DPH6: variants seen among roughly 807,000 people sequenced by gnomAD.
DPH6 encodes diphthine--ammonia ligase.
A neutral mutation model predicts 38.2 loss-of-function variants in DPH6; 33 were observed. That is an observed-to-expected ratio of 0.86 (90% CI 0.65 to 1.15). The LOEUF is 1.15. Ranked by LOEUF, DPH6 falls within the 50% of genes most tolerant of loss-of-function variation. The pLI is 0.00. For missense variants in DPH6, 325 were observed against 320.0 expected (o/e 1.02, Z -0.12); for synonymous variants, 108 against 103.0 (o/e 1.05, Z -0.30).
intron 3 of DPH6, among the ~76,000 whole-genome samples, chr15:35,319,077 AG>A (rs1176637175): frequency 2.6e-5 from 4 of 152,320 alleles, no homozygotes; most frequent in Middle Eastern, 3.4e-3. Flanking sequence ...GCAGGTGCCT[AG>A]TGAGAAATAC....
the DPH6 span, among the ~76,000 whole-genome samples, chr15:35,178,636 T>C: frequency 6.6e-6 from 1 of 152,106 alleles, no homozygotes; most frequent in Non-Finnish European, 1.5e-5. Flanking sequence ...TCCTGGCAAA[T>C]ATTGTATACA....
chr15:35,315,076 T>C (rs2052177352), intron 3 of DPH6, among the ~76,000 whole-genome samples: 1 of 152,182 alleles, frequency 6.6e-6, no homozygotes, highest in Non-Finnish European at 1.5e-5. Flanking sequence ...AAAACTGCAA[T>C]GCCTGAAGCT....
At chr15:35,473,913 AGTGTGTGTGTGTGTGTGTGT>A (rs58549209) in intron 3 of DPH6, among the ~76,000 whole-genome samples, 12,633 of 126,874 alleles carry the variant, frequency 0.1, 768 homozygotes, top group African/African-American at 0.19. Flanking sequence ...CACTGTGCAC[AGTGTGTGTGTGTGTGTGTGT>A]GTGTGTGTGT....
intron 3 of DPH6, among the ~76,000 whole-genome samples, chr15:35,232,528 C>T (rs1292943315): frequency 6.6e-6 from 1 of 152,092 alleles, no homozygotes; most frequent in African/African-American, 2.4e-5. Context: ...TTGCAGTGAG[C>T]TGAGACCGCA....
At chr15:35,245,000 A>C (rs1382686789) in intron 3 of DPH6, among the ~76,000 whole-genome samples, 3 of 152,128 alleles carry the variant, frequency 2.0e-5, no homozygotes, top group Admixed American at 6.6e-5. Context: ...AGAATCTGAC[A>C]CTCATGAAAA....
chr15:35,481,776 C>G (rs56745022), intron 3 of DPH6, among the ~76,000 whole-genome samples: 14,602 of 151,998 alleles, frequency 0.096, 941 homozygotes, highest in African/African-American at 0.18. Context: ...TAATAAGTAC[C>G]TGGGGGCTAT....
intron 3 of DPH6, among the ~76,000 whole-genome samples, chr15:35,356,668 CCA>C (rs1349685594): frequency 5.3e-4 from 81 of 152,226 alleles, no homozygotes; most frequent in African/African-American, 1.9e-3. Flanking sequence ...GAGTACCTGG[CCA>C]TGTGAGGTGT....
chr15:35,286,074 T>G (rs898045528), intron 3 of DPH6, among the ~76,000 whole-genome samples: 1 of 151,992 alleles, frequency 6.6e-6, no homozygotes. Flanking sequence ...AAAACAAATA[T>G]AGTTTGCTTC....
intron 3 of DPH6, among the ~76,000 whole-genome samples, chr15:35,487,803 T>G (rs1000630564): frequency 1.3e-5 from 2 of 152,228 alleles, no homozygotes; most frequent in Non-Finnish European, 2.9e-5. Flanking sequence ...TTCTATCACA[T>G]GGTGAGACTG....
At chr15:35,354,360 G>A (rs554921920) in intron 3 of DPH6, among the ~76,000 whole-genome samples, 39 of 152,238 alleles carry the variant, frequency 2.6e-4, no homozygotes, top group African/African-American at 9.4e-4. Context: ...TCTTGTGCCA[G>A]TTTTCAAAGG....
At position 35,454,712 on chromosome 15, in the gene DPH6, A is replaced by G. The variant is rs1404813914; in HGVS notation, c.386+35T>C. On this transcript the variant is annotated intron_variant, in intron 4 of 8. Transcript: ENST00000256538. Reference sequence around the variant, plus strand: ...ACTTATTCACATTCTTAAAACACATACACTTTTAAAACTAACAAATTAATG... The same window carrying G: ...ACTTATTCACATTCTTAAAACACATGCACTTTTAAAACTAACAAATTAATG... 16 of 1,520,644 alleles carry G rather than the reference A, an allele frequency of 1.1e-5. No individual in the cohort carries two copies. In the African/African-American group the frequency reaches 1.4e-4, roughly 13 times the overall value. 94.2% of individuals were successfully genotyped at this position (1,520,644 alleles called of 1,614,324 possible).
At chr15:35,486,809 C>A (rs570118006) in intron 3 of DPH6, among the ~76,000 whole-genome samples, 37 of 152,234 alleles carry the variant, frequency 2.4e-4, no homozygotes, top group African/African-American at 8.7e-4. Flanking sequence ...AGTCCAAGTC[C>A]AAAGTCTCAT....
Position 35,381,837 on chromosome 15 carries a change from T to C in DPH6, c.647A>G (p.Lys216Arg), listed in dbSNP as rs750137666. The C allele has an allele frequency of 1.2e-6, 2 of 1,612,218 alleles. No homozygotes were observed. Among genetic ancestry groups the C allele is most frequent in the Admixed American group, 1.7e-5 (1 of 59,962 alleles). Reference protein sequence around the residue: ...ETFTLDCPLFKKKIIVDSSEV... With the variant: ...ETFTLDCPLFRKKIIVDSSEV... ...GATATCTTACACAATTATTTTCTTC[T>C]TAAATAGAGGGCAATCCAAAGTGAA... Residue 216 changes from lysine (K) to arginine (R), a missense_variant, in exon 7 of 9, where the codon AAG becomes AGG. Coordinates refer to ENST00000256538, the MANE Select transcript of DPH6 (RefSeq NM_080650.4).
At chr15:35,528,752 T>C (rs542636120) in intron 3 of DPH6, among the ~76,000 whole-genome samples, 1 of 152,334 alleles carries the variant, frequency 6.6e-6, no homozygotes, top group East Asian at 1.9e-4. Flanking sequence ...ATCTATTACG[T>C]TACACAAAAC....
intron 6 of DPH6, chr15:35,401,274 C>A: frequency 1.1e-6 from 1 of 916,614 alleles, no homozygotes; most frequent in East Asian, 2.4e-5. Context: ...GTTGTGGAGA[C>A]AGTTTCGGTG....
intron 3 of DPH6, chr15:35,237,985 T>C (rs2051567893): frequency 9.6e-6 from 14 of 1,463,756 alleles, no homozygotes; most frequent in East Asian, 2.3e-5. Context: ...ATGAGGAAGA[T>C]GAAGAAGAGC....
At chr15:35,359,468 C>T (rs565899806) in intron 3 of DPH6, among the ~76,000 whole-genome samples, 3 of 152,274 alleles carry the variant, frequency 2.0e-5, no homozygotes, top group African/African-American at 7.2e-5. Flanking sequence ...AGTTTTACTC[C>T]CTGCTTCTCT....
At chr15:35,490,292 AAATG>A in intron 3 of DPH6, 1 of 577,346 alleles carries the variant, frequency 1.7e-6, no homozygotes, top group Non-Finnish European at 2.2e-6. Flanking sequence ...GTAGTAGACC[AAATG>A]AATGTGAGTA....
At chr15:35,383,272 T>C (rs2052896632) in intron 6 of DPH6, among the ~76,000 whole-genome samples, 2 of 152,250 alleles carry the variant, frequency 1.3e-5, no homozygotes, top group Admixed American at 1.3e-4. Context: ...TGTAAGCTGC[T>C]ATGTTAAACC....
Sources: gnomAD v4.1 joint callset for allele counts (sites outside exome capture counted in the v4.1 genomes callset) on GRCh38, gnomAD v4.1.1 for gene constraint, MANE v1.5 for transcripts, NCBI Gene and HGNC (gene_info 2026-07-23, HGNC 2026-07-21) for gene names.